NTMT2: variants seen among roughly 807,000 people sequenced by gnomAD.
NTMT2 encodes the protein N-terminal Xaa-Pro-Lys N-methyltransferase 2, also known as X-Pro-Lys N-terminal protein methyltransferase 1B.
In NTMT2, 21 loss-of-function variants were observed where a neutral mutation model predicts 23.4. That is an observed-to-expected ratio of 0.90 (90% CI 0.64 to 1.29). The LOEUF is 1.29. Ranked by LOEUF, NTMT2 falls within the 50% of genes most tolerant of loss-of-function variation. The pLI, the probability that NTMT2 is intolerant of heterozygous loss-of-function variation, is 0.00. For missense variants in NTMT2, 336 were observed against 352.0 expected, an observed-to-expected ratio of 0.95 and a Z score of 0.36; for synonymous variants, 131 against 127.7, an observed-to-expected ratio of 1.03 and a Z score of -0.17.
At chr1:170,149,649 G>A (rs927243345) in intron 1 of NTMT2, among the ~76,000 whole-genome samples, 1 of 152,122 alleles carries the variant, frequency 6.6e-6, no homozygotes, top group Non-Finnish European at 1.5e-5. Context: ...TTAAATTTTT[G>A]CACTGCTACT....
chr1:170,158,460 G>C (rs1427893330), intron 1 of NTMT2, among the ~76,000 whole-genome samples: 1 of 151,668 alleles, frequency 6.6e-6, no homozygotes. Flanking sequence ...CCTATTTGAA[G>C]GTCAACCACT....
Position 170,167,877 on chromosome 1 carries a change from C to T in NTMT2, c.*120C>T, listed in dbSNP as rs1430717907. 5.7e-6 allele frequency: 6 copies of T among 1,054,250 alleles called. No individual in the cohort carries two copies. Among genetic ancestry groups the T allele is most frequent in the African/African-American group, 1.6e-5 (1 of 62,062 alleles). 65.3% of individuals were successfully genotyped at this position (1,054,250 alleles called of 1,614,324 possible). On this transcript the variant is annotated 3_prime_UTR_variant, in exon 4 of 4. Coordinates refer to ENST00000439373, the MANE Select transcript of NTMT2 (RefSeq NM_001136107.2). Reference sequence around the variant, plus strand: ...GCAAGAAAAGGGATACAACATATGTCTGCAAATTATTTGTGATATAATATG... The same window carrying T: ...GCAAGAAAAGGGATACAACATATGTTTGCAAATTATTTGTGATATAATATG...
At chr1:170,165,452 A>G (rs991102562) in intron 2 of NTMT2, among the ~76,000 whole-genome samples, 1 of 152,174 alleles carries the variant, frequency 6.6e-6, no homozygotes, top group African/African-American at 2.4e-5. Context: ...ACACAAGGAA[A>G]CTTTGCCAAA....
intron 1 of NTMT2, among the ~76,000 whole-genome samples, chr1:170,160,208 T>TA (rs1441688790): frequency 6.6e-6 from 1 of 152,218 alleles, no homozygotes; most frequent in Non-Finnish European, 1.5e-5. Context: ...CTAACACTGT[T>TA]AAAAATTTTA....
intron 2 of NTMT2, among the ~76,000 whole-genome samples, chr1:170,164,506 T>C (rs560269858): frequency 6.6e-6 from 1 of 152,338 alleles, no homozygotes; most frequent in Admixed American, 6.5e-5. Flanking sequence ...TAGGCCTTTT[T>C]CTGAATTAGT....
intron 1 of NTMT2, among the ~76,000 whole-genome samples, chr1:170,158,387 T>C (rs1673205353): frequency 6.6e-6 from 1 of 152,116 alleles, no homozygotes; most frequent in Non-Finnish European, 1.5e-5. Flanking sequence ...CAATAAATTA[T>C]TCATTATTTG....
intron 1 of NTMT2, among the ~76,000 whole-genome samples, chr1:170,159,400 A>G (rs1248611748): frequency 1.4e-5 from 2 of 143,370 alleles, no homozygotes; most frequent in Non-Finnish European, 3.0e-5. Context: ...TTCTCTGGAC[A>G]GAGTTTTGAT....
chr1:170,168,129 T>TA lies in NTMT2; in HGVS notation c.*372_*373insA, dbSNP rs201131135. On this transcript the variant is annotated 3_prime_UTR_variant, in exon 4 of 4. Coordinates refer to ENST00000439373, the MANE Select transcript of NTMT2 (RefSeq NM_001136107.2). ...TTCACAACATCCTAGACAAAAATGG[T>TA]GGTTTTTTTTTTGTTTTTCCATCAC... Among the ~76,000 whole-genome samples the TA allele has an allele frequency of 7.5e-6, 1 of 133,164 alleles. No homozygotes were observed. The highest frequency in any genetic ancestry group is 1.6e-5 in the Non-Finnish European group (1 of 62,188). The allele number at this position is 133,164 out of a possible 152,430, so 87.4% of individuals were successfully genotyped here. A position where few individuals can be genotyped will look rare whatever the true frequency, so the allele number is the denominator to read the frequency against.
At chr1:170,152,559 T>C (rs1673090746) in intron 1 of NTMT2, among the ~76,000 whole-genome samples, 1 of 152,046 alleles carries the variant, frequency 6.6e-6, no homozygotes, top group Non-Finnish European at 1.5e-5. Context: ...GCGCCCTATT[T>C]TAGAGATAAG....
At chr1:170,147,700 T>A (rs1672992617) in intron 1 of NTMT2, among the ~76,000 whole-genome samples, 1 of 152,136 alleles carries the variant, frequency 6.6e-6, no homozygotes. Flanking sequence ...AGATATCAAT[T>A]ACAACAGCTG....
intron 3 of NTMT2, 119 bp from the exon 4 acceptor site, chr1:170,167,367 T>C: frequency 2.2e-6 from 2 of 926,672 alleles, no homozygotes; most frequent in Non-Finnish European, 3.2e-6. Flanking sequence ...AATGAGGCTA[T>C]TAAATCATGA....
At chr1:170,164,543 C>T (rs1673335773) in intron 2 of NTMT2, among the ~76,000 whole-genome samples, 1 of 152,210 alleles carries the variant, frequency 6.6e-6, no homozygotes, top group South Asian at 2.1e-4. Flanking sequence ...TTGAATGTGA[C>T]ATGTGGCATA....
chr1:170,166,833 G>C, intron 3 of NTMT2, 82 bp downstream of exon 3: 1 of 1,447,406 alleles, frequency 6.9e-7, no homozygotes, highest in Non-Finnish European at 9.4e-7. Context: ...GAGGGCACCA[G>C]GGAAGAGTTA....
intron 1 of NTMT2, among the ~76,000 whole-genome samples, chr1:170,154,153 G>A (rs1673120342): frequency 6.6e-6 from 1 of 152,170 alleles, no homozygotes; most frequent in South Asian, 2.1e-4. Context: ...AAGCCTGTGG[G>A]TTCACAGAGT....
intron 1 of NTMT2, among the ~76,000 whole-genome samples, chr1:170,150,438 G>T (rs547601539): frequency 1.3e-5 from 2 of 152,188 alleles, no homozygotes; most frequent in South Asian, 4.1e-4. Context: ...TCTCTATTAG[G>T]TGTGCTGTTA....
intron 2 of NTMT2, among the ~76,000 whole-genome samples, chr1:170,164,577 A>C (rs1227080325): frequency 6.6e-6 from 1 of 152,222 alleles, no homozygotes; most frequent in African/African-American, 2.4e-5. Context: ...TGGCAAACAC[A>C]TGGCAGTATA....
chr1:170,166,389 C>T lies in NTMT2; in HGVS notation c.331-113C>T, dbSNP rs928836077. On this transcript the variant is annotated intron_variant, in intron 2 of 3. Transcript: ENST00000439373. ...ATCTCTTGACCTCGTGATCCGCCCG[C>T]CTCGGCCTCCCAAAGTGCTGGGATT... 4.5e-6 allele frequency: 5 copies of T among 1,121,518 alleles called. No individual in the cohort carries two copies. In the African/African-American group the frequency reaches 7.8e-5, roughly 18 times the overall value. The allele number at this position is 1,121,518 out of a possible 1,614,324, so 69.5% of individuals were successfully genotyped here.
rs1673445157 is a variant in NTMT2, at chr1:170,168,592, G to C, written c.*835G>C. 6.6e-6 allele frequency among the ~76,000 whole-genome samples: 1 copy of C among 152,244 alleles called. No individual in the cohort carries two copies. Among genetic ancestry groups the C allele is most frequent in the Non-Finnish European group, 1.5e-5 (1 of 68,048 alleles). On this transcript the variant is annotated 3_prime_UTR_variant, in exon 4 of 4. Coordinates refer to ENST00000439373, the MANE Select transcript of NTMT2 (RefSeq NM_001136107.2). ...GTAATATGGATGTAATTTGATAACAGAAGTCTGCATTACAGTGATGGGAAG... is the reference window on the plus strand; with the variant it reads ...GTAATATGGATGTAATTTGATAACACAAGTCTGCATTACAGTGATGGGAAG...
intron 1 of NTMT2, among the ~76,000 whole-genome samples, chr1:170,154,160 G>A (rs1469788013): frequency 1.3e-5 from 2 of 152,146 alleles, no homozygotes; most frequent in Non-Finnish European, 2.9e-5. Context: ...TGGGTTCACA[G>A]AGTGCAAGAG....
Sources: allele counts gnomAD v4.1 joint callset (sites outside exome capture counted in the v4.1 genomes callset), GRCh38; gene constraint gnomAD v4.1.1; transcripts MANE v1.5; gene names NCBI Gene and HGNC (gene_info 2026-07-23, HGNC 2026-07-21).